The following NUP214 variants were observed in gnomAD, a reference collection of about 807,000 sequenced individuals.
NUP214 encodes nuclear pore complex protein Nup214.
NUP214 carries 79 observed loss-of-function variants against 196.2 expected under a neutral mutation model. The observed-to-expected ratio is 0.40, with a 90% CI of 0.34 to 0.49. The LOEUF is 0.49. Ranked by LOEUF, NUP214 falls within the 20% of genes least tolerant of loss-of-function variation. The pLI is 0.58. For missense variants in NUP214, 2,468 were observed against 2,539.0 expected (o/e 0.97, Z 0.60); for synonymous variants, 1,020 against 990.5 (o/e 1.03, Z -0.56).
At chr9:131,219,225 T>A (rs1465593901) in intron 31 of NUP214, among the ~76,000 whole-genome samples, 1 of 152,200 alleles carries the variant, frequency 6.6e-6, no homozygotes, top group African/African-American at 2.4e-5. Context: ...CAAGAGGAGA[T>A]GTATACTGCA....
chr9:131,127,067 A>G (rs1480407130), intron 1 of NUP214: 1 of 153,104 alleles, frequency 6.5e-6, no homozygotes, highest in Non-Finnish European at 1.5e-5. Flanking sequence ...ATGACAGACA[A>G]ATTCATGAAG....
At chr9:131,147,068 C>T (rs757586732) in intron 13 of NUP214, among the ~76,000 whole-genome samples, 2 of 152,182 alleles carry the variant, frequency 1.3e-5, no homozygotes, top group Non-Finnish European at 2.9e-5. Flanking sequence ...ATCACTGCAG[C>T]CTCTACCTCC....
At chr9:131,227,293 TGCCCTCTGGCAGCCTGA>T (rs1834748863) in intron 32 of NUP214, among the ~76,000 whole-genome samples, 1 of 152,244 alleles carries the variant, frequency 6.6e-6, no homozygotes. Context: ...TGTGTGGTGC[TGCCCTCTGGCAGCCTGA>T]GCCCACTGGG....
At chr9:131,190,451 G>C (rs751993251) in intron 26 of NUP214, 1 of 692,326 alleles carries the variant, frequency 1.4e-6, no homozygotes, top group Non-Finnish European at 2.6e-6. Flanking sequence ...CTTTTGTTAC[G>C]AGGTGTTCAC....
At chr9:131,212,856 G>T (rs1030672319) in intron 30 of NUP214, among the ~76,000 whole-genome samples, 6 of 152,180 alleles carry the variant, frequency 3.9e-5, no homozygotes, top group African/African-American at 9.7e-5. Flanking sequence ...CTGTAATAAA[G>T]GATGAGAAGT....
In NUP214 at chr9:131,216,300, C is replaced by T. The variant is rs567923719; in HGVS notation, c.5749+932C>T. Among the ~76,000 whole-genome samples the T allele has an allele frequency of 4.0e-5, 6 of 150,778 alleles. No homozygotes were observed. The East Asian group carries it at 1.2e-3, about 29-fold the overall frequency. On this transcript the variant is annotated intron_variant, in intron 31 of 35. Transcript: ENST00000359428. ...AGTGCAGTGGCGTGATCTTGGCTCA[C>T]TGCAAGCTCCACTTCCCGGGTTCAT...
chr9:131,196,453 G>T (rs547048662), intron 28 of NUP214, among the ~76,000 whole-genome samples: 31 of 152,298 alleles, frequency 2.0e-4, no homozygotes, highest in Admixed American at 5.2e-4. Flanking sequence ...GAGCCACCAC[G>T]CCCGGCCTCG....
At chr9:131,140,084 ATACT>A (rs960124605) in intron 10 of NUP214, among the ~76,000 whole-genome samples, 4 of 152,340 alleles carry the variant, frequency 2.6e-5, no homozygotes, top group African/African-American at 9.6e-5. Context: ...GATAAAATAC[ATACT>A]TGTCATTCAG....
At chr9:131,148,148 C>T (rs1421581812) in intron 14 of NUP214, among the ~76,000 whole-genome samples, 1 of 152,036 alleles carries the variant, frequency 6.6e-6, no homozygotes, top group Non-Finnish European at 1.5e-5. Context: ...TTCTTTTTCA[C>T]CTGTCCCCTT....
At chr9:131,225,853 T>G (rs1284569780) in intron 32 of NUP214, among the ~76,000 whole-genome samples, 1 of 152,210 alleles carries the variant, frequency 6.6e-6, no homozygotes, top group Admixed American at 6.5e-5. Context: ...CTATCCTCCC[T>G]TCAGTAAAAT....
intron 24 of NUP214, among the ~76,000 whole-genome samples, chr9:131,184,020 CTTTTTCTTTTT>C (rs1564198828): frequency 7.7e-6 from 1 of 129,322 alleles, no homozygotes; most frequent in African/African-American, 2.9e-5. Flanking sequence ...TTTCTTTTTT[CTTTTTCTTTTT>C]TTTTTTTTTT....
chr9:131,189,650 A>T (rs2131027790), intron 26 of NUP214, among the ~76,000 whole-genome samples: 1 of 152,256 alleles, frequency 6.6e-6, no homozygotes, highest in East Asian at 1.9e-4. Flanking sequence ...GCTTCACGTA[A>T]CTTCTCCTAC....
chr9:131,184,134 G>A (rs1222494423), intron 24 of NUP214, among the ~76,000 whole-genome samples: 25 of 145,802 alleles, frequency 1.7e-4, no homozygotes, highest in Non-Finnish European at 2.8e-4. Flanking sequence ...AGGTTCAAGC[G>A]ATTCTCCTGC....
intron 3 of NUP214, chr9:131,128,874 G>A (rs562848459): frequency 9.7e-5 from 28 of 287,418 alleles, no homozygotes; most frequent in Non-Finnish European, 1.5e-4. Flanking sequence ...CTTGTCCCTC[G>A]TTCATGCCTA....
rs1173953106 is a variant in NUP214 at position 131,147,533 on chromosome 9, A to G, written c.1989A>G (p.Val663=). 1 of 1,614,166 alleles carries G rather than the reference A, an allele frequency of 6.2e-7. No individual in the cohort carries two copies. Among genetic ancestry groups the G allele is most frequent in the South Asian group, 1.1e-5 (1 of 91,086 alleles). Residue 663 remains valine (V), a synonymous_variant, in exon 14 of 36, where the codon GTA becomes GTG. Coordinates refer to ENST00000359428, the MANE Select transcript of NUP214 (RefSeq NM_005085.4). ...GTTCAAGCCCAGTGCCCTCAATGGT[A>G]CAGAAATCACCCAGGATAACCCCTC... ...QGSSSPVPSM[V]QKSPRITPPA...
chr9:131,181,443 A>G (rs561250395), intron 24 of NUP214, among the ~76,000 whole-genome samples: 1 of 152,198 alleles, frequency 6.6e-6, no homozygotes, highest in South Asian at 2.1e-4. Context: ...TTCATTCCCA[A>G]CAGCAATGTA....
intron 27 of NUP214, chr9:131,192,624 G>A (rs1293608339): frequency 1.0e-5 from 2 of 194,580 alleles, no homozygotes; most frequent in East Asian, 1.5e-4. Flanking sequence ...ACACCATTTT[G>A]GGGGCTAGAT....
intron 30 of NUP214, 54 bp from the exon 31 acceptor site, chr9:131,215,158 C>T (rs1834354214): frequency 2.1e-6 from 3 of 1,412,084 alleles, no homozygotes; most frequent in African/African-American, 3.0e-5. Flanking sequence ...TGCAGCCTGC[C>T]ATTTCACGAT....
At chr9:131,227,254 G>A (rs1834748426) in intron 32 of NUP214, among the ~76,000 whole-genome samples, 1 of 152,250 alleles carries the variant, frequency 6.6e-6, no homozygotes. Context: ...TGCCCTGTGC[G>A]TGACCTGACC....
Sources: allele counts gnomAD v4.1 joint callset (sites outside exome capture counted in the v4.1 genomes callset), GRCh38; gene constraint gnomAD v4.1.1; transcripts MANE v1.5; gene names NCBI Gene and HGNC (gene_info 2026-07-23, HGNC 2026-07-21).